NUP210: variants seen among roughly 807,000 people sequenced by gnomAD.
NUP210 encodes the protein nuclear pore membrane glycoprotein 210.
Under a neutral mutation model 196.0 loss-of-function variants are expected in NUP210, and 151 were observed. The ratio of observed to expected loss-of-function variants is 0.77; its 90% CI spans 0.67 to 0.88. The LOEUF (loss-of-function observed/expected upper bound fraction) is 0.88, where lower values mean the gene tolerates loss of function less well. Ranked by LOEUF, NUP210 falls within the 40% of genes least tolerant of loss-of-function variation. The pLI, the probability that NUP210 is intolerant of heterozygous loss-of-function variation, is 0.00. For missense variants in NUP210, 2,314 were observed against 2,493.7 expected, an observed-to-expected ratio of 0.93 and a Z score of 1.53; for synonymous variants, 1,070 against 1,052.7, an observed-to-expected ratio of 1.02 and a Z score of -0.32.
Position 13,337,828 on chromosome 3 carries a change from T to C in NUP210, c.3552+9A>G, listed in dbSNP as rs758059801. On this transcript the variant is annotated intron_variant, in intron 26 of 39. Coordinates refer to ENST00000254508, the MANE Select transcript of NUP210 (RefSeq NM_024923.4). ...GAACCAGGATTCAGAGCCCAGGAGG[T>C]CCCCTCACCTGGGTGCCCGTCCTCA... 5 of 1,605,130 alleles carry C rather than the reference T, an allele frequency of 3.1e-6. No homozygotes were observed. The East Asian group carries it at 6.7e-5, about 22-fold the overall frequency.
At chr3:13,354,199 T>C (rs1224579282) in intron 16 of NUP210, 92 bp from the exon 17 acceptor site, 2 of 1,104,866 alleles carry the variant, frequency 1.8e-6, no homozygotes, top group Non-Finnish European at 2.6e-6. Context: ...GCAGCTGCCC[T>C]GTGGGCTCTT....
At chr3:13,396,723 G>T (rs977633196) in intron 3 of NUP210, among the ~76,000 whole-genome samples, 1 of 122,732 alleles carries the variant, frequency 8.1e-6, no homozygotes, top group African/African-American at 3.3e-5. Context: ...TCGCACCACT[G>T]CACTCCAGCC....
chr3:13,419,735 G>A (rs2124973998), intron 1 of NUP210, among the ~76,000 whole-genome samples: 1 of 152,154 alleles, frequency 6.6e-6, no homozygotes, highest in South Asian at 2.1e-4. Context: ...GCCGGCTCGG[G>A]CCCGGCCGGC....
intron 27 of NUP210, 105 bp downstream of exon 27, chr3:13,336,682 G>T: frequency 7.7e-7 from 1 of 1,296,960 alleles, no homozygotes; most frequent in Non-Finnish European, 1.1e-6. Flanking sequence ...AGGTGTGAGG[G>T]TGGGGACTTC....
chr3:13,378,450 C>A (rs189818792), intron 8 of NUP210, among the ~76,000 whole-genome samples: 48 of 152,386 alleles, frequency 3.1e-4, no homozygotes, highest in African/African-American at 1.2e-3. Context: ...TGCCAGGACA[C>A]CTTCCCGCAA....
At chr3:13,386,224 A>G (rs1241485026) in intron 6 of NUP210, 51 bp downstream of exon 6, 2 of 1,570,756 alleles carry the variant, frequency 1.3e-6, no homozygotes, top group African/African-American at 1.4e-5. Flanking sequence ...TAACCACAAT[A>G]AAAAAAGGAG....
chr3:13,362,391 C>A (rs1333844599), intron 14 of NUP210, among the ~76,000 whole-genome samples: 2 of 152,150 alleles, frequency 1.3e-5, no homozygotes, highest in African/African-American at 4.8e-5. Context: ...TGTGGGGACA[C>A]AAACATCCAA....
At chr3:13,371,591 C>A (rs1462408843) in intron 13 of NUP210, among the ~76,000 whole-genome samples, 1 of 152,242 alleles carries the variant, frequency 6.6e-6, no homozygotes, top group Non-Finnish European at 1.5e-5. Flanking sequence ...GTAGATGACA[C>A]ACAGCTTAGA....
In NUP210 at chr3:13,372,041, CAG is replaced by C. The variant is rs1208125209; in HGVS notation, c.1588-11_1588-10del. On this transcript the variant is annotated splice_polypyrimidine_tract_variant and intron_variant, in intron 12 of 39. Coordinates refer to ENST00000254508, the MANE Select transcript of NUP210 (RefSeq NM_024923.4). ...GGCTCGATCACATACACCTGGAAGA[CAG>C]GGGCATGGCCTGGGCTCAGCTGCCT... 1 of 1,559,680 alleles carries C rather than the reference CAG, an allele frequency of 6.4e-7. No homozygotes were observed. The highest frequency in any genetic ancestry group is 2.3e-5 in the East Asian group (1 of 42,686).
At position 13,391,281 on chromosome 3, in the gene NUP210, G is replaced by C. The variant is rs779013175; in HGVS notation, c.463C>G (p.Leu155Val). ...EGNTFSTLAG[L>V]VFEWTIVKDS... ...TTCACAATCGTCCACTCGAAGACCA[G>C]TCCAGCCAGAGTGCTGAAGGTGTTC... Residue 155 changes from leucine (L) to valine (V), a missense_variant, in exon 4 of 40, where the codon CTG becomes GTG. Physicochemically the swap from Leu to Val is conservative, Grantham distance 32. Transcript: ENST00000254508. 1 of 1,611,864 alleles carries C rather than the reference G, an allele frequency of 6.2e-7. No homozygotes were observed. Among genetic ancestry groups the C allele is most frequent in the Non-Finnish European group, 8.5e-7 (1 of 1,179,024 alleles).
At chr3:13,344,272 A>G (rs1697634826) in intron 20 of NUP210, among the ~76,000 whole-genome samples, 1 of 152,246 alleles carries the variant, frequency 6.6e-6, no homozygotes. Context: ...GGGCATTCAC[A>G]CAAGTAACAT....
At chr3:13,319,191 G>A (rs750104873) in intron 38 of NUP210, 36 bp from the exon 39 acceptor site, 2 of 1,611,136 alleles carry the variant, frequency 1.2e-6, no homozygotes, top group South Asian at 1.1e-5. Flanking sequence ...GCAGGTCGGG[G>A]CAGGGGAACA....
intron 6 of NUP210, among the ~76,000 whole-genome samples, chr3:13,383,778 C>T (rs991857662): frequency 2.0e-5 from 3 of 152,046 alleles, no homozygotes; most frequent in Non-Finnish European, 2.9e-5. Context: ...CCGCCCGCCT[C>T]GGCCTCCCAA....
rs1270573225 is a variant in NUP210 at position 13,351,920 on chromosome 3, C to T, written c.2794G>A (p.Val932Ile). The T allele has an allele frequency of 1.2e-6, 2 of 1,613,822 alleles. No individual in the cohort carries two copies. The stretch of plus-strand genomic sequence containing the variant: ...GCCTCCTGGTAGGCCACCTTGACAA[C>T]ATCTGCGGTGCTGGTGTTGAGGAAG... ...YFFLNTSTADVVKVAYQEARG... is the reference protein window; with the variant it reads ...YFFLNTSTADIVKVAYQEARG... The change falls in exon 20 of 40, where the codon GTT (valine) becomes ATT (isoleucine). Residue 932 changes from valine to isoleucine, a missense_variant. Val to Ile is a conservative substitution (Grantham distance 29). Transcript: ENST00000254508.
Position 13,340,121 on chromosome 3 carries a change from G to C in NUP210, c.3292-88C>G, listed in dbSNP as rs1190286434. Reference sequence around the variant, plus strand: ...CTCAGAGAGCCAGGGCCCCAGTGCAGGCAGCTTCTGCCTTCTTCTCCCAGT... The same window carrying C: ...CTCAGAGAGCCAGGGCCCCAGTGCACGCAGCTTCTGCCTTCTTCTCCCAGT... On this transcript the variant is annotated intron_variant, in intron 24 of 39. Coordinates refer to ENST00000254508, the MANE Select transcript of NUP210 (RefSeq NM_024923.4). This position sits in a 1 kb window ranked among gnomAD's most constrained non-coding sequence, Gnocchi z 4.0. 1.9e-6 allele frequency: 3 copies of C among 1,601,352 alleles called. No homozygotes were observed. In the African/African-American group the frequency reaches 4.0e-5, roughly 21 times the overall value.
intron 6 of NUP210, among the ~76,000 whole-genome samples, chr3:13,382,040 C>G (rs570386577): frequency 5.3e-5 from 8 of 152,336 alleles, no homozygotes; most frequent in Admixed American, 5.2e-4. Context: ...AAAGTTCCTT[C>G]TACAACTGAG....
chr3:13,409,986 G>C (rs11926068), intron 1 of NUP210, among the ~76,000 whole-genome samples: 33,376 of 146,256 alleles, frequency 0.23, 5,835 homozygotes, highest in African/African-American at 0.5. Context: ...ACAGGTGCAC[G>C]CCACCTGTAA....
At chr3:13,382,782 C>T (rs572537066) in intron 6 of NUP210, among the ~76,000 whole-genome samples, 6 of 152,270 alleles carry the variant, frequency 3.9e-5, no homozygotes, top group Admixed American at 3.3e-4. Context: ...AGACACCATT[C>T]CCTGACTTTT....
intron 16 of NUP210, among the ~76,000 whole-genome samples, chr3:13,355,732 T>C (rs574750378): frequency 6.6e-6 from 1 of 152,096 alleles, no homozygotes; most frequent in East Asian, 1.9e-4. Flanking sequence ...CATGCAAAGG[T>C]CTCATCATTA....
Sources: gnomAD v4.1 joint callset for allele counts (sites outside exome capture counted in the v4.1 genomes callset) on GRCh38, gnomAD v4.1.1 for gene constraint, Gnocchi (gnomAD v3.1) non-coding constraint, MANE v1.5 for transcripts, NCBI Gene and HGNC (gene_info 2026-07-23, HGNC 2026-07-21) for gene names.